IGLON5: variants seen among roughly 807,000 people sequenced by gnomAD.
IGLON5 encodes the protein IgLON family member 5.
In IGLON5, 16 loss-of-function variants were observed where a neutral mutation model predicts 38.2. The ratio of observed to expected loss-of-function variants is 0.42; its 90% confidence interval spans 0.28 to 0.64. The LOEUF is 0.64. Among genes scored for constraint, IGLON5 ranks in the 30% least tolerant of loss-of-function variants. The probability of loss-of-function intolerance (pLI) is 0.23; values close to 1 mark genes in which losing one functional copy is unlikely to be tolerated. For missense variants in IGLON5, 366 were observed against 483.4 expected, an observed-to-expected ratio of 0.76 and a Z score of 2.28; for synonymous variants, 207 against 216.4, an observed-to-expected ratio of 0.96 and a Z score of 0.38.
rs770380521 is a variant in IGLON5 at position 51,325,864 on chromosome 19, C to T, written c.511+399C>T. Among the ~76,000 whole-genome samples the T allele has an allele frequency of 1.3e-5, 2 of 152,096 alleles. No individual in the cohort carries two copies. The highest frequency in any genetic ancestry group is 4.8e-5 in the African/African-American group (2 of 41,404). ...CTGCCTCTCTCTTCTGCTGGACGCT[C>T]TAGCCCAGCGGGCCTCATGGTGTGG... On this transcript the variant is annotated intron_variant, in intron 4 of 7. Coordinates refer to ENST00000270642, the MANE Select transcript of IGLON5 (RefSeq NM_001101372.3). This position sits in a 1 kb window ranked among gnomAD's most constrained non-coding sequence, Gnocchi z 5.5.
At chr19:51,318,782 G>A (rs1291609410) in intron 1 of IGLON5, among the ~76,000 whole-genome samples, 2 of 152,174 alleles carry the variant, frequency 1.3e-5, no homozygotes, top group Non-Finnish European at 2.9e-5. Context: ...GCCTGGAGTG[G>A]TGTGTGGGCT....
chr19:51,315,283 C>T (rs923270654), intron 1 of IGLON5, among the ~76,000 whole-genome samples: 5 of 152,188 alleles, frequency 3.3e-5, no homozygotes, highest in Non-Finnish European at 4.4e-5. Flanking sequence ...CAGGAGGGGG[C>T]AGGAGCCCCA....
Position 51,325,785 on chromosome 19 carries a change from C to T in IGLON5, c.511+320C>T, listed in dbSNP as rs1167225900. On this transcript the variant is annotated intron_variant, in intron 4 of 7. Coordinates refer to ENST00000270642, the MANE Select transcript of IGLON5 (RefSeq NM_001101372.3). The surrounding 1 kb of genome is among the most constrained non-coding windows in gnomAD (Gnocchi z 5.5). The stretch of plus-strand genomic sequence containing the variant: ...TCACAGCATTCTCCTGGGCTGAGAT[C>T]CCCTGCCACTAGGTGCCCTAAGCCA... Among the ~76,000 whole-genome samples the T allele has an allele frequency of 6.6e-6, 1 of 152,114 alleles. No individual in the cohort carries two copies. The highest frequency in any genetic ancestry group is 2.4e-5 in the African/African-American group (1 of 41,432).
At position 51,325,919 on chromosome 19, in the gene IGLON5, G is replaced by A. The variant is rs565376406; in HGVS notation, c.511+454G>A. On this transcript the variant is annotated intron_variant, in intron 4 of 7. Coordinates refer to ENST00000270642, the MANE Select transcript of IGLON5 (RefSeq NM_001101372.3). This position sits in a 1 kb window ranked among gnomAD's most constrained non-coding sequence, Gnocchi z 5.5. ...CAGACCCGAAGCATCAGCATACCTTGGGAACTTGCCAGGAATGCACTTTCC... is the reference window on the plus strand; with the variant it reads ...CAGACCCGAAGCATCAGCATACCTTAGGAACTTGCCAGGAATGCACTTTCC... 6.6e-6 allele frequency among the ~76,000 whole-genome samples: 1 copy of A among 152,114 alleles called. No individual in the cohort carries two copies. The highest frequency in any genetic ancestry group is 1.9e-4 in the East Asian group (1 of 5,160).
rs755233252 is a variant in IGLON5 at position 51,323,886 on chromosome 19, T to C, written c.383T>C (p.Ile128Thr). The change falls in exon 3 of 8, where the codon ATT becomes ACT. Residue 128 changes from isoleucine (I) to threonine (T), a missense_variant. Ile to Thr is a moderately conservative substitution (Grantham distance 89). Transcript: ENST00000270642. Reference sequence around the variant, plus strand: ...CCGTACACCACTCAGGTCTACCTCATTGTCCACGGTGAGCCCTTGGCCGGG... The same window carrying C: ...CCGTACACCACTCAGGTCTACCTCACTGTCCACGGTGAGCCCTTGGCCGGG... ...HQPYTTQVYL[I>T]VHVPARIVNI... is the part of the protein sequence containing the mutation. 7 of 1,602,284 alleles carry C rather than the reference T, an allele frequency of 4.4e-6. No homozygotes were observed. The highest frequency in any genetic ancestry group is 3.3e-5 in the South Asian group (3 of 90,684).
Position 51,329,874 on chromosome 19 carries a change from A to T in IGLON5, c.*1115A>T, listed in dbSNP as rs1985311631. The T allele has an allele frequency of 6.6e-6, 1 of 152,342 alleles. No homozygotes were observed. The highest frequency in any genetic ancestry group is 2.4e-5 in the African/African-American group (1 of 41,388). The allele number at this position is 152,342 out of a possible 1,614,324, so 9.4% of individuals were successfully genotyped here. A position where few individuals can be genotyped will look rare whatever the true frequency, so the allele number is the denominator to read the frequency against. ...CACACACCAGCGACTGTGACCAGCA[A>T]TAGCCCCCTGGCTCCAGCTGTCCGG... On this transcript the variant is annotated 3_prime_UTR_variant, in exon 8 of 8. Transcript: ENST00000270642. The surrounding 1 kb of genome is among the most constrained non-coding windows in gnomAD (Gnocchi z 4.3).
intron 1 of IGLON5, among the ~76,000 whole-genome samples, chr19:51,320,031 G>GT (rs747122162): frequency 3.3e-5 from 3 of 91,258 alleles, no homozygotes; most frequent in Non-Finnish European, 6.5e-5. Context: ...GCCTGTGTGT[G>GT]TATGTGTGTG....
chr19:51,322,242 G>A, intron 2 of IGLON5, 100 bp downstream of exon 2: 2 of 969,890 alleles, frequency 2.1e-6, no homozygotes, highest in South Asian at 1.3e-5. Flanking sequence ...AACAGCCTGG[G>A]ATGGGAAGAC....
intron 1 of IGLON5, among the ~76,000 whole-genome samples, chr19:51,314,341 G>A (rs1390433152): frequency 3.9e-5 from 6 of 152,134 alleles, no homozygotes; most frequent in Non-Finnish European, 8.8e-5. Context: ...GTGCCACCAC[G>A]CTGGGCTAAT....
rs755433421 is a variant in IGLON5 at position 51,325,334 on chromosome 19, C to G, written c.392-12C>G. 7.3e-5 allele frequency: 117 copies of G among 1,612,376 alleles called. No homozygotes were observed. The highest frequency in any genetic ancestry group is 9.7e-5 in the Non-Finnish European group (114 of 1,179,310). ...CTGGGCATCCATATTCAGCCTCTGC[C>G]GCTGCCCGCAGTCCCTGCCCGCATT... On this transcript the variant is annotated splice_polypyrimidine_tract_variant and intron_variant, in intron 3 of 7. Coordinates refer to ENST00000270642, the MANE Select transcript of IGLON5 (RefSeq NM_001101372.3). This position sits in a 1 kb window ranked among gnomAD's most constrained non-coding sequence, Gnocchi z 5.5.
chr19:51,315,993 C>T (rs1984912710), intron 1 of IGLON5, among the ~76,000 whole-genome samples: 2 of 151,956 alleles, frequency 1.3e-5, no homozygotes, highest in African/African-American at 2.4e-5. Context: ...CACGCCCCGC[C>T]GGAAGTCAAC....
intron 1 of IGLON5, among the ~76,000 whole-genome samples, chr19:51,321,139 G>C (rs903806692): frequency 3.3e-5 from 5 of 152,172 alleles, no homozygotes; most frequent in Non-Finnish European, 4.4e-5. Context: ...GTGTGGATGT[G>C]TGTACATATC....
In IGLON5 at chr19:51,311,690, C is replaced by G. The variant is rs1194487580; in HGVS notation, c.-158C>G. On this transcript the variant is annotated 5_prime_UTR_variant, in exon 1 of 8. Coordinates refer to ENST00000270642, the MANE Select transcript of IGLON5 (RefSeq NM_001101372.3). Reference sequence around the variant, plus strand: ...GGGTCTGCAGCAGCTCCAGCCGCCTCGTCGCGCCCCCCCAGCCCCCTCCCC... The same window carrying G: ...GGGTCTGCAGCAGCTCCAGCCGCCTGGTCGCGCCCCCCCAGCCCCCTCCCC... Among the ~76,000 whole-genome samples the G allele has an allele frequency of 9.3e-5, 13 of 139,352 alleles. No individual in the cohort carries two copies. Among genetic ancestry groups the G allele is most frequent in the Admixed American group, 4.8e-4 (7 of 14,484 alleles). 91.4% of individuals were successfully genotyped at this position (139,352 alleles called of 152,430 possible).
At chr19:51,323,430 C>G (rs927526735) in intron 2 of IGLON5, among the ~76,000 whole-genome samples, 2 of 152,216 alleles carry the variant, frequency 1.3e-5, no homozygotes, top group Admixed American at 1.3e-4. Flanking sequence ...CTGACACACA[C>G]GATCACTCAA....
chr19:51,316,498 C>CTTTTTTTTTTTTT (rs542147400), intron 1 of IGLON5, among the ~76,000 whole-genome samples: 1 of 136,098 alleles, frequency 7.3e-6, no homozygotes. Flanking sequence ...CTTTTCTTTT[C>CTTTTTTTTTTTTT]TTTTTTTTTT....
chr19:51,316,498 CT>C (rs542147400), intron 1 of IGLON5, among the ~76,000 whole-genome samples: 210 of 136,008 alleles, frequency 1.5e-3, no homozygotes, highest in Admixed American at 5.7e-3. Context: ...CTTTTCTTTT[CT>C]TTTTTTTTTT....
chr19:51,323,967 A>G, intron 3 of IGLON5, 73 bp downstream of exon 3: 2 of 1,042,584 alleles, frequency 1.9e-6, no homozygotes, highest in Non-Finnish European at 2.8e-6. Context: ...GATGACAGAT[A>G]CCACGTGTTC....
rs764771878 is a variant in IGLON5, at chr19:51,327,750, C to G, written c.786C>G (p.Ala262=). Residue 262 remains alanine, a synonymous_variant, in exon 7 of 8, where the codon GCC becomes GCG. Coordinates refer to ENST00000270642, the MANE Select transcript of IGLON5 (RefSeq NM_001101372.3). The surrounding 1 kb of genome is among the most constrained non-coding windows in gnomAD (Gnocchi z 7.1). ...KDDRLLSSGT[A]EGLKVQTERT... is the part of the protein sequence containing the mutation. Reference sequence around the variant, plus strand: ...CTGGCAGGCTGAGCAGCGGCACGGCCGAAGGCCTGAAGGTGCAGACGGAGC... The same window carrying G: ...CTGGCAGGCTGAGCAGCGGCACGGCGGAAGGCCTGAAGGTGCAGACGGAGC... The G allele has an allele frequency of 2.5e-6, 4 of 1,576,678 alleles. No individual in the cohort carries two copies. The highest frequency in any genetic ancestry group is 2.3e-5 in the South Asian group (2 of 85,968).
At position 51,323,712 on chromosome 19, in the gene IGLON5, A is replaced by G. The variant is rs749819489; in HGVS notation, c.209A>G (p.Asn70Ser). The change falls in exon 3 of 8, where the codon AAC becomes AGC. Residue 70 changes from asparagine (N) to serine (S), a missense_variant. By Grantham distance (46) the Asn-to-Ser change is conservative. Coordinates refer to ENST00000270642, the MANE Select transcript of IGLON5 (RefSeq NM_001101372.3). Reference sequence around the variant, plus strand: ...CGCGTGGCCTGGCTGAACCGCTCCAACATCCTGTATGCCGGCAATGACCGC... The same window carrying G: ...CGCGTGGCCTGGCTGAACCGCTCCAGCATCCTGTATGCCGGCAATGACCGC... ...VTRVAWLNRS[N>S]ILYAGNDRWT... 1 of 1,613,792 alleles carries G rather than the reference A, an allele frequency of 6.2e-7. No individual in the cohort carries two copies. The highest frequency in any genetic ancestry group is 8.5e-7 in the Non-Finnish European group (1 of 1,179,830).
Sources: allele counts gnomAD v4.1 joint callset (sites outside exome capture counted in the v4.1 genomes callset), GRCh38; gene constraint gnomAD v4.1.1; non-coding constraint Gnocchi (gnomAD v3.1); transcripts MANE v1.5; gene names NCBI Gene and HGNC (gene_info 2026-07-23, HGNC 2026-07-21).